Variants in CSMD3 observed in about 807,000 individuals in gnomAD.
CSMD3 encodes CUB and Sushi multiple domains 3.
Under a neutral mutation model 435.2 loss-of-function variants are expected in CSMD3, and 177 were observed. The observed-to-expected ratio is 0.41, with a 90% CI of 0.36 to 0.46. The LOEUF is 0.46. CSMD3 is among the 20% of genes least tolerant of loss of function. The pLI, the probability that CSMD3 is intolerant of heterozygous loss-of-function variation, is 0.34. For synonymous variants in CSMD3, 1,656 were observed against 1,520.5 expected, an observed-to-expected ratio of 1.09 and a Z score of -2.07; for missense variants, 4,265 against 4,504.6, an observed-to-expected ratio of 0.95 and a Z score of 1.52.
Position 112,851,562 on chromosome 8 carries a change from G to A in CSMD3, c.1755+7583C>T, listed in dbSNP as rs1002696841. On this transcript the variant is annotated intron_variant, in intron 11 of 70. Coordinates refer to ENST00000297405, the MANE Select transcript of CSMD3 (RefSeq NM_198123.2). The stretch of plus-strand genomic sequence containing the variant: ...GGGCAGATCATGAGGTCAGGACTTC[G>A]AGACCAGCCTGGCCAACATGGTGAA... Among the ~76,000 whole-genome samples the A allele has an allele frequency of 3.9e-5, 6 of 152,058 alleles. No individual in the cohort carries two copies. In the South Asian group the frequency reaches 8.3e-4, roughly 21 times the overall value.
chr8:112,899,190 A>T (rs917845083), intron 10 of CSMD3, among the ~76,000 whole-genome samples: 2 of 150,968 alleles, frequency 1.3e-5, no homozygotes, highest in African/African-American at 4.9e-5. Flanking sequence ...CTTTCATATA[A>T]CCTCTAATAA....
chr8:112,883,569 T>C (rs78934974), intron 10 of CSMD3, among the ~76,000 whole-genome samples: 6,269 of 152,022 alleles, frequency 0.041, 159 homozygotes, highest in African/African-American at 0.055. Flanking sequence ...TTTGTAATAA[T>C]TTTAGAGTCA....
chr8:113,256,851 G>A (rs184330899), intron 3 of CSMD3, among the ~76,000 whole-genome samples: 100 of 152,266 alleles, frequency 6.6e-4, no homozygotes, highest in Middle Eastern at 3.4e-3. Flanking sequence ...TGTGTAGGAT[G>A]GAAAGATTGG....
rs117720203 is a variant in CSMD3 at position 112,698,070 on chromosome 8, T to C, written c.1973-8020A>G. 6.9e-3 allele frequency among the ~76,000 whole-genome samples: 1,054 copies of C among 151,840 alleles called. 6 individuals are homozygous for C. The highest frequency in any genetic ancestry group is 9.7e-3 in the Non-Finnish European group (658 of 67,914). ...TGAGGAGATATTAGGGTCAAGTACG[T>C]GGTATTATGGATGAGGGCCAGAGAA... On this transcript the variant is annotated intron_variant, in intron 13 of 70. Transcript: ENST00000297405.
At chr8:112,309,900 T>C (rs1821805134) in intron 50 of CSMD3, among the ~76,000 whole-genome samples, 1 of 152,150 alleles carries the variant, frequency 6.6e-6, no homozygotes. Context: ...CTATCTTACA[T>C]TTTGTTTTTT....
rs775681816 is a variant in CSMD3 at position 112,390,650 on chromosome 8, TTAAA to T, written c.5934+10_5934+13del. On this transcript the variant is annotated intron_variant, in intron 36 of 70. Coordinates refer to ENST00000297405, the MANE Select transcript of CSMD3 (RefSeq NM_198123.2). Reference sequence around the variant, plus strand: ...CACATACAATGAAAAGAAGAAAAACTTAAATATTCTTACTTGAATGCCAGCTCCC... The same window carrying T: ...CACATACAATGAAAAGAAGAAAAACTTATTCTTACTTGAATGCCAGCTCCC... 5.5e-5 allele frequency: 88 copies of T among 1,608,036 alleles called. No homozygotes were observed. The highest frequency in any genetic ancestry group is 7.4e-5 in the Non-Finnish European group (87 of 1,174,678).
At chr8:112,591,754 A>G (rs1034083144) in intron 22 of CSMD3, among the ~76,000 whole-genome samples, 52 of 152,202 alleles carry the variant, frequency 3.4e-4, no homozygotes, top group African/African-American at 1.2e-3. Context: ...ATAATAATAC[A>G]TGATTTTGCT....
intron 6 of CSMD3, among the ~76,000 whole-genome samples, chr8:112,994,461 C>A (rs1470416183): frequency 6.6e-6 from 1 of 151,576 alleles, no homozygotes; most frequent in African/African-American, 2.4e-5. Flanking sequence ...GCCCTTTTGT[C>A]AATATTTTTT....
At chr8:112,372,435 G>A (rs1828489003) in intron 38 of CSMD3, among the ~76,000 whole-genome samples, 1 of 151,950 alleles carries the variant, frequency 6.6e-6, no homozygotes, top group South Asian at 2.1e-4. Flanking sequence ...TTGAGTGGAA[G>A]GAACATTAGG....
intron 5 of CSMD3, among the ~76,000 whole-genome samples, chr8:113,078,964 C>G (rs1177647574): frequency 1.3e-5 from 2 of 152,044 alleles, no homozygotes; most frequent in Admixed American, 1.3e-4. Context: ...ATGAAACATT[C>G]AAGATTATTG....
At chr8:113,033,473 G>A (rs1217406450) in intron 5 of CSMD3, among the ~76,000 whole-genome samples, 2 of 151,374 alleles carry the variant, frequency 1.3e-5, no homozygotes, top group Non-Finnish European at 3.0e-5. Context: ...TGGAGCCTGT[G>A]GCCCCTTTGT....
At chr8:113,332,121 A>G (rs2094032331) in intron 1 of CSMD3, among the ~76,000 whole-genome samples, 1 of 151,640 alleles carries the variant, frequency 6.6e-6, no homozygotes, top group East Asian at 1.9e-4. Context: ...TGCATATAAA[A>G]GTTAAATTTA....
At chr8:113,285,261 C>CT (rs11420062) in intron 2 of CSMD3, among the ~76,000 whole-genome samples, 48,641 of 128,058 alleles carry the variant, frequency 0.38, 10,259 homozygotes, top group East Asian at 0.68. Flanking sequence ...TTGGTGACAG[C>CT]TTTTTTTTTT....
At chr8:112,693,753 T>C (rs2076190718) in intron 13 of CSMD3, among the ~76,000 whole-genome samples, 4 of 151,986 alleles carry the variant, frequency 2.6e-5, no homozygotes. Flanking sequence ...TATGTCCTCA[T>C]GTTTCTGAAA....
intron 5 of CSMD3, among the ~76,000 whole-genome samples, chr8:113,021,501 T>C (rs1504346): frequency 0.6 from 91,849 of 152,002 alleles, 29,367 homozygotes; most frequent in East Asian, 0.95. Context: ...CCAGATGTAA[T>C]GAGACTACAA....
At chr8:113,100,753 T>C (rs2090304914) in intron 4 of CSMD3, among the ~76,000 whole-genome samples, 1 of 152,290 alleles carries the variant, frequency 6.6e-6, no homozygotes, top group East Asian at 1.9e-4. Flanking sequence ...ATGATAAATA[T>C]ACATTACTTT....
At chr8:112,236,920 A>T (rs2129982771) in intron 67 of CSMD3, among the ~76,000 whole-genome samples, 1 of 152,284 alleles carries the variant, frequency 6.6e-6, no homozygotes, top group East Asian at 1.9e-4. Context: ...ACCTAAATTA[A>T]ATGTTATGAT....
intron 66 of CSMD3, 104 bp from the exon 67 acceptor site, chr8:112,237,452 A>AT: frequency 5.9e-6 from 5 of 841,962 alleles, no homozygotes; most frequent in South Asian, 1.4e-5. Context: ...TTGCTAATAC[A>AT]CAATAATGTT....
intron 1 of CSMD3, among the ~76,000 whole-genome samples, chr8:113,417,351 C>T (rs2094586440): frequency 6.6e-6 from 1 of 151,790 alleles, no homozygotes; most frequent in Admixed American, 6.6e-5. Context: ...ATATATGCTC[C>T]AACTCTCACA....
Sources: allele counts gnomAD v4.1 joint callset (sites outside exome capture counted in the v4.1 genomes callset), GRCh38; gene constraint gnomAD v4.1.1; transcripts MANE v1.5; gene names NCBI Gene and HGNC (gene_info 2026-07-23, HGNC 2026-07-21).